RFX6: variants seen among roughly 807,000 people sequenced by gnomAD.
The protein encoded by RFX6 is regulatory factor X6.
In RFX6, 50 loss-of-function variants were observed where a neutral mutation model predicts 110.8. That is an observed-to-expected ratio of 0.45 (90% CI 0.36 to 0.57). The LOEUF is 0.57. RFX6 is among the 20% of genes least tolerant of loss of function. The pLI is 0.00. For synonymous variants in RFX6, 383 were observed against 411.2 expected, an observed-to-expected ratio of 0.93 and a Z score of 0.83; for missense variants, 990 against 1,127.0, an observed-to-expected ratio of 0.88 and a Z score of 1.74.
chr6:116,926,842 A>G (rs1205985805), intron 16 of RFX6, among the ~76,000 whole-genome samples, 185 bp from the exon 17 acceptor site: 1 of 152,114 alleles, frequency 6.6e-6, no homozygotes, highest in African/African-American at 2.4e-5. Flanking sequence ...TGATATATAC[A>G]TGTGTTGTGA....
In RFX6 at chr6:116,915,767, A is replaced by G. The variant is rs551007366; in HGVS notation, c.781-241A>G. On this transcript the variant is annotated intron_variant, in intron 7 of 18. Transcript: ENST00000332958. ...AAACTAGGATGTTACTTTGGTCCAT[A>G]GTACTCTGAAAAATTACCTTTTTCA... Among the ~76,000 whole-genome samples, 58 of 152,238 alleles carry G rather than the reference A, an allele frequency of 3.8e-4. 1 individual carries two copies. The highest frequency in any genetic ancestry group is 2.9e-5 in the Non-Finnish European group (2 of 68,004).
chr6:116,893,916 T>C, intron 4 of RFX6, 71 bp from the exon 5 acceptor site: 2 of 867,580 alleles, frequency 2.3e-6, no homozygotes, highest in Non-Finnish European at 2.0e-6. Flanking sequence ...ATGTCAGTTA[T>C]ACCTTAGTCT....
intron 6 of RFX6, among the ~76,000 whole-genome samples, chr6:116,904,690 C>T (rs559110934): frequency 3.7e-4 from 56 of 152,206 alleles, no homozygotes; most frequent in Admixed American, 1.1e-3. Context: ...CTACCATGTC[C>T]CTGGCCACTA....
chr6:116,890,878 TG>T (rs1396034546), intron 4 of RFX6, among the ~76,000 whole-genome samples: 1 of 152,178 alleles, frequency 6.6e-6, no homozygotes, highest in Non-Finnish European at 1.5e-5. Flanking sequence ...TCCTAATGAC[TG>T]GGGACAGGAA....
intron 6 of RFX6, among the ~76,000 whole-genome samples, chr6:116,897,358 AC>A (rs1444383511): frequency 6.6e-6 from 1 of 151,796 alleles, no homozygotes; most frequent in East Asian, 1.9e-4. Flanking sequence ...GCAGACCCCC[AC>A]CCCCTTGTCG....
intron 6 of RFX6, among the ~76,000 whole-genome samples, chr6:116,899,369 GA>G (rs1775019049): frequency 6.6e-6 from 1 of 152,114 alleles, no homozygotes. Flanking sequence ...GAATATACAG[GA>G]AGTAATAGTT....
chr6:116,925,479 T>C lies in RFX6; in HGVS notation c.1705T>C (p.Ser569Pro). 2.5e-6 allele frequency: 4 copies of C among 1,614,158 alleles called. No homozygotes were observed. The highest frequency in any genetic ancestry group is 3.4e-6 in the Non-Finnish European group (4 of 1,179,972). Residue 569 changes from serine (S) to proline (P), a missense_variant, in exon 16 of 19, where the codon TCT (serine) becomes CCT (proline). Ser to Pro is a moderately conservative substitution (Grantham distance 74). Transcript: ENST00000332958. ...TGCGAGTAAAGCTGCTTTCACTGCT[T>C]CTCCGAGTTCATGCTTTCTGGCCAA... The part of the protein sequence containing the change: ...SDASKAAFTA[S>P]PSSCFLANRN...
chr6:116,900,882 G>A (rs1042076938), intron 6 of RFX6, among the ~76,000 whole-genome samples: 1 of 152,120 alleles, frequency 6.6e-6, no homozygotes, highest in Non-Finnish European at 1.5e-5. Context: ...TGTGAAATAT[G>A]TAAAGCATAA....
chr6:116,924,911 T>A, intron 15 of RFX6, 120 bp downstream of exon 15: 1 of 734,774 alleles, frequency 1.4e-6, no homozygotes, highest in Non-Finnish European at 2.4e-6. Flanking sequence ...TCCAAACATG[T>A]CATTACTAAT....
chr6:116,877,830 A>G lies in RFX6; in HGVS notation c.258A>G (p.Glu86=), dbSNP rs745336745. 4 of 1,613,864 alleles carry G rather than the reference A, an allele frequency of 2.5e-6. No individual in the cohort carries two copies. The highest frequency in any genetic ancestry group is 1.1e-5 in the South Asian group (1 of 91,078). The change falls in exon 2 of 19, where the codon GAA becomes GAG. Residue 86 remains glutamate (E), a synonymous_variant. Coordinates refer to ENST00000332958, the MANE Select transcript of RFX6 (RefSeq NM_173560.4). ...TAAACAATGGTAACTTTTCCTCTGA[A>G]GAAGAGGACGCCGACAACCACGACA... ...MHLNNGNFSS[E]EEDADNHDSK... is the part of the protein sequence containing the mutation.
chr6:116,877,738 G>T (rs1352425394), intron 1 of RFX6, 58 bp from the exon 2 acceptor site: 3 of 1,570,612 alleles, frequency 1.9e-6, no homozygotes, highest in South Asian at 2.2e-5. Flanking sequence ...ACACTTAAAG[G>T]CGACTTAGTT....
intron 6 of RFX6, among the ~76,000 whole-genome samples, chr6:116,899,974 G>A (rs570701247): frequency 6.6e-6 from 1 of 152,286 alleles, no homozygotes; most frequent in South Asian, 2.1e-4. Flanking sequence ...ACAATAAGTA[G>A]TAGAAGATGC....
chr6:116,895,236 A>G, intron 6 of RFX6, 29 bp downstream of exon 6: 3 of 1,223,018 alleles, frequency 2.5e-6, no homozygotes, highest in Non-Finnish European at 2.4e-6. Context: ...TCTATTTTAC[A>G]TCTGCTATAA....
chr6:116,931,588 A>G lies in RFX6; in HGVS notation c.*82A>G. On this transcript the variant is annotated 3_prime_UTR_variant, in exon 19 of 19. Coordinates refer to ENST00000332958, the MANE Select transcript of RFX6 (RefSeq NM_173560.4). ...ATCATTATTCACTCAGACTTCCATA[A>G]GAGTAAATAAAAATGAATATGCAGT... 9.5e-7 allele frequency: 1 copy of G among 1,054,818 alleles called. No individual in the cohort carries two copies. The highest frequency in any genetic ancestry group is 1.4e-6 in the Non-Finnish European group (1 of 705,200). 65.3% of individuals were successfully genotyped at this position (1,054,818 alleles called of 1,614,324 possible). A position where few individuals can be genotyped will look rare whatever the true frequency, so the allele number is the denominator to read the frequency against.
intron 4 of RFX6, among the ~76,000 whole-genome samples, chr6:116,889,853 GTTATTT>G (rs1391730782): frequency 2.6e-5 from 4 of 152,104 alleles, no homozygotes; most frequent in Non-Finnish European, 5.9e-5. Context: ...GTGACACATT[GTTATTT>G]TTAATTTTTC....
chr6:116,899,494 T>G (rs564287386), intron 6 of RFX6, among the ~76,000 whole-genome samples: 1 of 152,246 alleles, frequency 6.6e-6, no homozygotes, highest in South Asian at 2.1e-4. Context: ...AGAGTTTAGG[T>G]ACCTGACAAA....
At chr6:116,926,340 C>A (rs556545481) in intron 16 of RFX6, among the ~76,000 whole-genome samples, 1 of 152,124 alleles carries the variant, frequency 6.6e-6, no homozygotes, top group African/African-American at 2.4e-5. Context: ...TTAGGATAAT[C>A]GTTACAATAA....
At chr6:116,890,509 C>A (rs761324504) in intron 4 of RFX6, among the ~76,000 whole-genome samples, 21 of 152,072 alleles carry the variant, frequency 1.4e-4, no homozygotes, top group Non-Finnish European at 2.4e-4. Context: ...ACAGTGAGCA[C>A]TGAATACATG....
chr6:116,891,332 C>G (rs1267977952), intron 4 of RFX6, among the ~76,000 whole-genome samples: 1 of 152,118 alleles, frequency 6.6e-6, no homozygotes, highest in Non-Finnish European at 1.5e-5. Flanking sequence ...GTAGTTTGTT[C>G]TCAATCTGCA....
Sources: allele counts gnomAD v4.1 joint callset (sites outside exome capture counted in the v4.1 genomes callset), GRCh38; gene constraint gnomAD v4.1.1; transcripts MANE v1.5; gene names NCBI Gene and HGNC (gene_info 2026-07-23, HGNC 2026-07-21).